CPEB2: variants seen among roughly 807,000 people sequenced by gnomAD.
The protein encoded by CPEB2 is cytoplasmic polyadenylation element binding protein 2.
A neutral mutation model predicts 93.6 loss-of-function variants in CPEB2; 56 were observed. The observed-to-expected ratio is 0.60, with a 90% confidence interval of 0.48 to 0.75. The LOEUF (loss-of-function observed/expected upper bound fraction) is 0.75. CPEB2 is among the 30% of genes least tolerant of loss of function. The pLI, the probability that CPEB2 is intolerant of heterozygous loss-of-function variation, is 0.00. For synonymous variants in CPEB2, 764 were observed against 586.3 expected (o/e 1.30, Z -4.38); for missense variants, 1,579 against 1,395.1 (o/e 1.13, Z -2.10).
intron 3 of CPEB2, among the ~76,000 whole-genome samples, chr4:15,016,220 T>G (rs1181734648): frequency 1.3e-5 from 2 of 152,056 alleles, no homozygotes; most frequent in Non-Finnish European, 2.9e-5. Context: ...TACATAAGCT[T>G]ACACATGCGT....
intron 4 of CPEB2, among the ~76,000 whole-genome samples, chr4:15,028,999 G>A (rs562669146): frequency 3.0e-4 from 46 of 151,976 alleles, no homozygotes; most frequent in African/African-American, 9.4e-4. Flanking sequence ...TAACCACTGG[G>A]GCTAGTTCCA....
chr4:15,012,303 ATTC>A (rs1225223541), intron 3 of CPEB2, among the ~76,000 whole-genome samples: 1 of 152,136 alleles, frequency 6.6e-6, no homozygotes, highest in Admixed American at 6.5e-5. Flanking sequence ...GTCTATTTTA[ATTC>A]TTGTGAGTAC....
chr4:15,004,381 T>G, intron 1 of CPEB2, 46 bp downstream of exon 1: 9 of 1,317,216 alleles, frequency 6.8e-6, no homozygotes, highest in Non-Finnish European at 7.9e-6. Flanking sequence ...CGGGAGACCA[T>G]GGGCGGGGGA....
chr4:15,044,984 G>A lies in CPEB2; in HGVS notation c.2200+4497G>A, dbSNP rs114393448. Among the ~76,000 whole-genome samples the A allele has an allele frequency of 9.8e-3, 1,494 of 152,226 alleles. 8 individuals are homozygous for A. Among genetic ancestry groups the A allele is most frequent in the Non-Finnish European group, 0.015 (1,009 of 67,992 alleles). Reference sequence around the variant, plus strand: ...ATTTTAGGTAGCAAACTTAATGTAAGCTATTATACTTGCATTTGTAGGTAG... The same window carrying A: ...ATTTTAGGTAGCAAACTTAATGTAAACTATTATACTTGCATTTGTAGGTAG... On this transcript the variant is annotated intron_variant, in intron 6 of 11. Transcript: ENST00000538197.
At position 15,068,022 on chromosome 4, in the gene CPEB2, A is replaced by G. The variant is rs1186462240; in HGVS notation, c.*1642A>G. The stretch of plus-strand genomic sequence containing the variant: ...TTCTCTTTAGAGCATTTTTAATGCA[A>G]CTAGCCCCTATATTTTAATGTAAGA... On this transcript the variant is annotated 3_prime_UTR_variant, in exon 12 of 12. Coordinates refer to ENST00000538197, the MANE Select transcript of CPEB2 (RefSeq NM_001177382.2). The G allele has an allele frequency of 2.6e-5, 4 of 152,398 alleles. No homozygotes were observed. The East Asian group carries it at 7.7e-4, about 29-fold the overall frequency. 9.4% of individuals were successfully genotyped at this position (152,398 alleles called of 1,614,324 possible).
intron 11 of CPEB2, among the ~76,000 whole-genome samples, chr4:15,064,414 T>C (rs1460055523): frequency 6.6e-6 from 1 of 152,098 alleles, no homozygotes; most frequent in African/African-American, 2.4e-5. Context: ...AACTAATATC[T>C]AGAATTTTAA....
intron 8 of CPEB2, among the ~76,000 whole-genome samples, chr4:15,054,660 T>C (rs962493752): frequency 6.6e-6 from 1 of 152,138 alleles, no homozygotes; most frequent in Non-Finnish European, 1.5e-5. Context: ...TGCTTAGTTA[T>C]GTTAGTCAGT....
intron 4 of CPEB2, among the ~76,000 whole-genome samples, chr4:15,018,915 A>G (rs1327201882): frequency 2.1e-5 from 3 of 144,766 alleles, no homozygotes; most frequent in African/African-American, 5.1e-5. Flanking sequence ...AAATGGAAGC[A>G]TTATAAGGCT....
chr4:15,043,171 T>C (rs1401073211), intron 6 of CPEB2, among the ~76,000 whole-genome samples: 2 of 152,212 alleles, frequency 1.3e-5, no homozygotes, highest in African/African-American at 2.4e-5. Flanking sequence ...TTGACTACAG[T>C]CAAATCAAGT....
chr4:15,059,392 A>C, intron 10 of CPEB2, 91 bp downstream of exon 10: 1 of 755,640 alleles, frequency 1.3e-6, no homozygotes, highest in East Asian at 2.7e-5. Context: ...TGTGTACATG[A>C]CACTATTGGA....
chr4:15,012,267 A>C (rs1397564222), intron 3 of CPEB2, among the ~76,000 whole-genome samples: 14 of 152,116 alleles, frequency 9.2e-5, no homozygotes, highest in Admixed American at 9.2e-4. Flanking sequence ...TCAGTGCTTT[A>C]ATTGTTCTTG....
intron 4 of CPEB2, among the ~76,000 whole-genome samples, chr4:15,022,741 T>C (rs1319177929): frequency 6.6e-6 from 1 of 152,098 alleles, no homozygotes; most frequent in African/African-American, 2.4e-5. Context: ...ATAACGTACA[T>C]GGAATCTTAA....
chr4:15,024,755 T>G (rs1026926899), intron 4 of CPEB2, among the ~76,000 whole-genome samples: 51 of 150,908 alleles, frequency 3.4e-4, no homozygotes, highest in East Asian at 3.1e-3. Context: ...TTTTTTTTTT[T>G]TTTTTTTGAG....
At chr4:15,013,046 G>A (rs1345971462) in intron 3 of CPEB2, among the ~76,000 whole-genome samples, 2 of 151,828 alleles carry the variant, frequency 1.3e-5, no homozygotes, top group African/African-American at 4.8e-5. Flanking sequence ...ATTTTTCAGT[G>A]TTTATAATCT....
At chr4:15,013,533 A>G (rs777587733) in intron 3 of CPEB2, among the ~76,000 whole-genome samples, 3 of 152,200 alleles carry the variant, frequency 2.0e-5, no homozygotes, top group African/African-American at 7.2e-5. Context: ...GGCAGTTTGC[A>G]TGAACACAAT....
At chr4:15,036,945 T>A (rs1406417279) in intron 5 of CPEB2, among the ~76,000 whole-genome samples, 3 of 152,328 alleles carry the variant, frequency 2.0e-5, no homozygotes, top group South Asian at 4.1e-4. Flanking sequence ...CATCAGTTCT[T>A]TTTTTCTTTT....
intron 4 of CPEB2, among the ~76,000 whole-genome samples, chr4:15,024,806 CGT>C (rs1560228574): frequency 6.9e-6 from 1 of 145,650 alleles, no homozygotes; most frequent in African/African-American, 2.6e-5. Flanking sequence ...AGTGCAGTGG[CGT>C]GATCTTGGCT....
Position 15,003,699 on chromosome 4 carries a change from G to T in CPEB2, c.1026G>T (p.Leu342=), listed in dbSNP as rs1722336057. ...GALGAGAFSS[L]QSPDLPHPGG... ...TTGGCGCGGGCGCCTTCAGCAGCCT[G>T]CAGAGCCCGGACCTTCCACACCCGG... is the stretch of plus-strand genomic sequence containing the variant. The change falls in exon 1 of 12, where the codon CTG becomes CTT. Residue 342 remains leucine (L), a synonymous_variant. Transcript: ENST00000538197. The T allele has an allele frequency of 6.9e-7, 1 of 1,449,112 alleles. No homozygotes were observed. Among genetic ancestry groups the T allele is most frequent in the African/African-American group, 1.5e-5 (1 of 67,874 alleles). 89.8% of individuals were successfully genotyped at this position (1,449,112 alleles called of 1,614,324 possible).
At chr4:15,050,635 G>A (rs910026535) in intron 6 of CPEB2, among the ~76,000 whole-genome samples, 2 of 152,090 alleles carry the variant, frequency 1.3e-5, no homozygotes, top group Non-Finnish European at 2.9e-5. Flanking sequence ...TTTATTAAAA[G>A]TAATTATCTT....
Sources: allele counts gnomAD v4.1 joint callset (sites outside exome capture counted in the v4.1 genomes callset), GRCh38; gene constraint gnomAD v4.1.1; transcripts MANE v1.5; gene names NCBI Gene and HGNC (gene_info 2026-07-23, HGNC 2026-07-21).